Variants in DYRK1A observed in about 807,000 individuals in gnomAD.
DYRK1A encodes the protein dual specificity tyrosine-phosphorylation-regulated kinase 1A.
In DYRK1A, 9 loss-of-function variants were observed where a neutral mutation model predicts 79.7. That is an observed-to-expected ratio of 0.11 (90% confidence interval 0.07 to 0.20). The LOEUF (loss-of-function observed/expected upper bound fraction) is 0.20, where lower values mean the gene tolerates loss of function less well. DYRK1A is among the 10% of genes least tolerant of loss of function. The pLI is 1.00. For missense variants in DYRK1A, 622 were observed against 956.0 expected (o/e 0.65, Z 4.61); for synonymous variants, 349 against 329.7 (o/e 1.06, Z -0.63).
chr21:37,420,534 AACTT>A (rs1253217945), intron 2 of DYRK1A, 150 bp downstream of exon 2: 5 of 749,694 alleles, frequency 6.7e-6, no homozygotes, highest in Admixed American at 2.6e-5. Context: ...CTATTTGTTA[AACTT>A]ACTTTTGAAC....
Position 37,512,463 on chromosome 21 carries a change from G to C in DYRK1A, c.2197G>C (p.Gly733Arg). 1 of 1,614,244 alleles carries C rather than the reference G, an allele frequency of 6.2e-7. No homozygotes were observed. Residue 733 changes from glycine to arginine, a missense_variant, in exon 12 of 12, where the codon GGG (glycine) becomes CGG (arginine). Coordinates refer to ENST00000647188, the MANE Select transcript of DYRK1A (RefSeq NM_001347721.2). ...TGAAGGACATCTGACAATGAGGCAA[G>C]GGGCTGATAGAGAAGAGTCCCCCAT... ...MTEGHLTMRQ[G>R]ADREESPMTG...
chr21:37,434,738 G>A (rs1023854833), intron 2 of DYRK1A, among the ~76,000 whole-genome samples: 7 of 152,076 alleles, frequency 4.6e-5, no homozygotes, highest in East Asian at 3.8e-4. Flanking sequence ...AAAGTTTGTC[G>A]TAATAAACCA....
chr21:37,440,586 C>T (rs1378299398), intron 2 of DYRK1A, among the ~76,000 whole-genome samples: 1 of 152,070 alleles, frequency 6.6e-6, no homozygotes, highest in Non-Finnish European at 1.5e-5. Flanking sequence ...ATTTTATTTT[C>T]ATTCTTTTCA....
chr21:37,423,503 A>G (rs537216407), intron 2 of DYRK1A, among the ~76,000 whole-genome samples: 1 of 152,296 alleles, frequency 6.6e-6, no homozygotes, highest in South Asian at 2.1e-4. Flanking sequence ...TACCATGTAT[A>G]TGAACATAAA....
At chr21:37,394,823 T>TA (rs1221721605) in intron 1 of DYRK1A, among the ~76,000 whole-genome samples, 1 of 152,198 alleles carries the variant, frequency 6.6e-6, no homozygotes, top group Non-Finnish European at 1.5e-5. Flanking sequence ...ACGTTGCACC[T>TA]AAAGTAGCAA....
At chr21:37,406,935 T>C (rs924681350) in intron 1 of DYRK1A, among the ~76,000 whole-genome samples, 1 of 141,310 alleles carries the variant, frequency 7.1e-6, no homozygotes, top group African/African-American at 2.7e-5. Context: ...AAAATTCTTT[T>C]GATTTTTTTT....
intron 2 of DYRK1A, among the ~76,000 whole-genome samples, chr21:37,422,677 A>G (rs1382220562): frequency 6.6e-6 from 1 of 152,150 alleles, no homozygotes; most frequent in Admixed American, 6.6e-5. Flanking sequence ...TAACTTTGTG[A>G]GGTGATGAAT....
In DYRK1A at chr21:37,519,448, C is replaced by T. The variant is rs945824348; in HGVS notation, c.*6917C>T. 25 of 152,272 alleles carry T rather than the reference C, an allele frequency of 1.6e-4. No homozygotes were observed. The highest frequency in any genetic ancestry group is 5.1e-4 in the African/African-American group (21 of 41,534). The allele number at this position is 152,272 out of a possible 1,614,324, so 9.4% of individuals were successfully genotyped here. A position where few individuals can be genotyped will look rare whatever the true frequency, so the allele number is the denominator to read the frequency against. ...GTGCATGCCTCAGTGAGGTAATGTC[C>T]GCAGAAAGCACAATGCCTAGTATGT... is the stretch of plus-strand genomic sequence containing the variant. On this transcript the variant is annotated 3_prime_UTR_variant, in exon 12 of 12. Transcript: ENST00000647188.
At chr21:37,443,178 C>T (rs1204389270) in intron 2 of DYRK1A, among the ~76,000 whole-genome samples, 1 of 151,988 alleles carries the variant, frequency 6.6e-6, no homozygotes. Context: ...GAGACAGGGT[C>T]TTGCTCTGGG....
At chr21:37,450,372 G>C (rs1471704385) in intron 2 of DYRK1A, among the ~76,000 whole-genome samples, 1 of 152,110 alleles carries the variant, frequency 6.6e-6, no homozygotes, top group Non-Finnish European at 1.5e-5. Flanking sequence ...AATAAGTTGT[G>C]GTATAAGATG....
At chr21:37,439,540 C>G (rs2051027605) in intron 2 of DYRK1A, among the ~76,000 whole-genome samples, 1 of 152,330 alleles carries the variant, frequency 6.6e-6, no homozygotes, top group South Asian at 2.1e-4. Context: ...CACCTGAGCT[C>G]TGCCTCTTTT....
At chr21:37,375,209 T>G (rs1052416401) in intron 1 of DYRK1A, 2 of 152,172 alleles carry the variant, frequency 1.3e-5, no homozygotes, top group African/African-American at 4.8e-5. Flanking sequence ...ATGTGAATAT[T>G]TAAATACTCA....
intron 2 of DYRK1A, among the ~76,000 whole-genome samples, chr21:37,466,010 T>C (rs2052013610): frequency 6.6e-6 from 1 of 152,244 alleles, no homozygotes. Flanking sequence ...CAGTAAGTGC[T>C]TGTTGAATTT....
intron 1 of DYRK1A, among the ~76,000 whole-genome samples, chr21:37,418,673 A>G (rs921127403): frequency 1.3e-5 from 2 of 152,206 alleles, no homozygotes; most frequent in East Asian, 3.8e-4. Context: ...TTAGAAAATG[A>G]TGTCCTTTGA....
At chr21:37,441,813 T>C (rs1035370613) in intron 2 of DYRK1A, among the ~76,000 whole-genome samples, 1 of 152,130 alleles carries the variant, frequency 6.6e-6, no homozygotes, top group African/African-American at 2.4e-5. Context: ...TTATCTTTTC[T>C]GGTCTTCATT....
chr21:37,426,009 G>T (rs942446848), intron 2 of DYRK1A, among the ~76,000 whole-genome samples: 5 of 152,210 alleles, frequency 3.3e-5, no homozygotes, highest in Non-Finnish European at 5.9e-5. Flanking sequence ...CTGAAGGGGG[G>T]TTAGAGTCAT....
chr21:37,445,248 T>C (rs2051229640), intron 2 of DYRK1A, among the ~76,000 whole-genome samples: 1 of 152,094 alleles, frequency 6.6e-6, no homozygotes, highest in Non-Finnish European at 1.5e-5. Flanking sequence ...TAAACACGAA[T>C]ATAGGGAAAG....
intron 1 of DYRK1A, among the ~76,000 whole-genome samples, chr21:37,371,577 G>A (rs2049430381): frequency 6.6e-6 from 1 of 152,180 alleles, no homozygotes; most frequent in African/African-American, 2.4e-5. Context: ...TTATACCAGA[G>A]CTATGTATCT....
In DYRK1A at chr21:37,512,556, C is replaced by A; in HGVS notation, c.*25C>A. 6.3e-7 allele frequency: 1 copy of A among 1,597,542 alleles called. No individual in the cohort carries two copies. The highest frequency in any genetic ancestry group is 1.1e-5 in the South Asian group (1 of 89,554). Reference sequence around the variant, plus strand: ...ACTACATTGAAACTTGAGTTTGTTTCTTGTGTGTTTTTATAGAAGTGGTGT... The same window carrying A: ...ACTACATTGAAACTTGAGTTTGTTTATTGTGTGTTTTTATAGAAGTGGTGT... On this transcript the variant is annotated 3_prime_UTR_variant, in exon 12 of 12. Transcript: ENST00000647188.
Sources: gnomAD v4.1 joint callset for allele counts (sites outside exome capture counted in the v4.1 genomes callset) on GRCh38, gnomAD v4.1.1 for gene constraint, MANE v1.5 for transcripts, NCBI Gene and HGNC (gene_info 2026-07-23, HGNC 2026-07-21) for gene names.